Variants in TSPAN16 observed in about 807,000 individuals in gnomAD.
The protein encoded by TSPAN16 is tetraspanin 16, also known as tetraspanin-16.
A neutral mutation model predicts 25.2 loss-of-function variants in TSPAN16; 23 were observed. The ratio of observed to expected loss-of-function variants is 0.91; its 90% CI spans 0.66 to 1.29. TSPAN16 has a LOEUF of 1.29. Ranked by LOEUF, TSPAN16 falls within the 50% of genes most tolerant of loss-of-function variation. The pLI is 0.00. For synonymous variants in TSPAN16, 123 were observed against 124.4 expected (o/e 0.99, Z 0.08); for missense variants, 272 against 299.9 (o/e 0.91, Z 0.69).
chr19:11,315,260 A>G (rs2080734942), intron 6 of TSPAN16, among the ~76,000 whole-genome samples: 2 of 130,598 alleles, frequency 1.5e-5, no homozygotes, highest in South Asian at 4.6e-4. Context: ...TAATAATAAT[A>G]ATAATAATAA....
intron 4 of TSPAN16, among the ~76,000 whole-genome samples, chr19:11,302,620 TAA>T (rs1491104269): frequency 7.0e-6 from 1 of 143,352 alleles, no homozygotes; most frequent in Non-Finnish European, 1.5e-5. Context: ...CATATGTATA[TAA>T]ATATATATAT....
intron 2 of TSPAN16, 107 bp from the exon 3 acceptor site, chr19:11,298,765 C>G (rs1273442985): frequency 9.3e-7 from 1 of 1,070,154 alleles, no homozygotes; most frequent in Non-Finnish European, 1.4e-6. Context: ...CCAGGGTGGC[C>G]TGGGGTGGAG....
At chr19:11,320,705 A>G (rs186684643), downstream of TSPAN16, among the ~76,000 whole-genome samples, 3 of 151,996 alleles carry the variant, frequency 2.0e-5, no homozygotes, top group Non-Finnish European at 4.4e-5. Flanking sequence ...AAAGAAAAAG[A>G]AAAAAGAAAT....
chr19:11,296,435 C>T, intron 1 of TSPAN16, 69 bp downstream of exon 1: 5 of 1,520,434 alleles, frequency 3.3e-6, no homozygotes, highest in Non-Finnish European at 4.6e-6. Flanking sequence ...CCCTGAAAGA[C>T]AGAAATAAGT....
At chr19:11,297,983 A>G (rs999034834) in intron 1 of TSPAN16, among the ~76,000 whole-genome samples, 159 bp from the exon 2 acceptor site, 4 of 150,880 alleles carry the variant, frequency 2.7e-5, no homozygotes, top group East Asian at 3.9e-4. Flanking sequence ...GAGGGTACAG[A>G]TGAGGTCTTA....
At chr19:11,299,152 G>C (rs150858048) in intron 3 of TSPAN16, among the ~76,000 whole-genome samples, 2,925 of 152,040 alleles carry the variant, frequency 0.019, 35 homozygotes, top group Middle Eastern at 0.065. Flanking sequence ...GTGATAGCAC[G>C]CACTTGTAAT....
intron 4 of TSPAN16, among the ~76,000 whole-genome samples, chr19:11,303,094 C>T (rs375296435): frequency 6.7e-6 from 1 of 149,840 alleles, no homozygotes; most frequent in Non-Finnish European, 1.5e-5. Context: ...GGATGACAAT[C>T]GCGGCTTTGT....
intron 2 of TSPAN16, 73 bp from the exon 3 acceptor site, chr19:11,298,799 C>G: frequency 6.9e-7 from 1 of 1,442,004 alleles, no homozygotes. Flanking sequence ...GAGACAACCC[C>G]TCACCTGCAG....
chr19:11,313,352 A>G lies in TSPAN16; in HGVS notation c.687+1130A>G, dbSNP rs138006466. Among the ~76,000 whole-genome samples the G allele has an allele frequency of 3.3e-5, 5 of 152,118 alleles. No individual in the cohort carries two copies. In the East Asian group the frequency reaches 9.7e-4, roughly 29 times the overall value. On this transcript the variant is annotated intron_variant, in intron 6 of 6. Coordinates refer to ENST00000590327, the MANE Select transcript of TSPAN16 (RefSeq NM_001282509.2). ...CATGGTGAAACCCTGTCTCTACTAAAAATAAAAAAATTAGCTGGGCGTAGT... is the reference window on the plus strand; with the variant it reads ...CATGGTGAAACCCTGTCTCTACTAAGAATAAAAAAATTAGCTGGGCGTAGT...
intron 4 of TSPAN16, among the ~76,000 whole-genome samples, chr19:11,304,933 G>A (rs145591788): frequency 8.7e-4 from 132 of 152,012 alleles, no homozygotes; most frequent in African/African-American, 3.1e-3. Flanking sequence ...TTATAGCTGT[G>A]AGCCACTGCG....
downstream of TSPAN16, among the ~76,000 whole-genome samples, chr19:11,318,089 C>T (rs187545556): frequency 4.7e-3 from 721 of 151,960 alleles, 9 homozygotes; most frequent in Admixed American, 0.026. Context: ...TGCAGTGGCG[C>T]GATCTCGGCT....
At chr19:11,301,771 AG>A (rs2080552851) in intron 4 of TSPAN16, among the ~76,000 whole-genome samples, 1 of 152,002 alleles carries the variant, frequency 6.6e-6, no homozygotes, top group African/African-American at 2.4e-5. Context: ...ACTGCACTCT[AG>A]CCTGGGTGAC....
intron 1 of TSPAN16, among the ~76,000 whole-genome samples, chr19:11,297,260 G>A (rs1233808653): frequency 6.6e-6 from 1 of 152,050 alleles, no homozygotes; most frequent in Admixed American, 6.6e-5. Flanking sequence ...CCAGGAGCTC[G>A]AGACCAGCTA....
intron 5 of TSPAN16, among the ~76,000 whole-genome samples, chr19:11,310,546 G>A (rs1360058509): frequency 6.6e-6 from 1 of 150,936 alleles, no homozygotes; most frequent in East Asian, 1.9e-4. Context: ...GCAGGAAGGA[G>A]AGAGGAGGCC....
chr19:11,298,812 T>C (rs1359814913), intron 2 of TSPAN16, 60 bp from the exon 3 acceptor site: 10 of 1,508,992 alleles, frequency 6.6e-6, no homozygotes, highest in Non-Finnish European at 8.3e-6. Context: ...ACCTGCAGGG[T>C]ATAAGGTCGG....
chr19:11,302,678 T>TATATATATAC (rs556398306), intron 4 of TSPAN16, among the ~76,000 whole-genome samples: 3 of 126,560 alleles, frequency 2.4e-5, no homozygotes, highest in African/African-American at 9.5e-5. Flanking sequence ...TATATATATA[T>TATATATATAC]ACACACACAC....
At chr19:11,321,244 GC>G (rs1411786268) in intron 6 of TSPAN16, 1 of 152,102 alleles carries the variant, frequency 6.6e-6, no homozygotes, top group South Asian at 2.1e-4. Flanking sequence ...GGCTGGGGAG[GC>G]CTCAGGAAAT....
At position 11,315,921 on chromosome 19, in the gene TSPAN16, C is replaced by G; in HGVS notation, c.*83C>G. The G allele has an allele frequency of 8.1e-7, 1 of 1,231,158 alleles. No homozygotes were observed. Among genetic ancestry groups the G allele is most frequent in the Admixed American group, 4.2e-5 (1 of 23,668 alleles). The allele number at this position is 1,231,158 out of a possible 1,614,324, so 76.3% of individuals were successfully genotyped here. On this transcript the variant is annotated 3_prime_UTR_variant, in exon 7 of 7. Coordinates refer to ENST00000590327, the MANE Select transcript of TSPAN16 (RefSeq NM_001282509.2). The stretch of plus-strand genomic sequence containing the variant: ...CTCAGTTTTATTTCTCTGTGGCACT[C>G]ACTGCTTCTGGAGGGGAGACTGTTA...
intron 6 of TSPAN16, chr19:11,321,464 T>C (rs1182840458): frequency 6.6e-6 from 1 of 152,228 alleles, no homozygotes; most frequent in African/African-American, 2.4e-5. Context: ...GTGAGGATTA[T>C]GGGGATTACA....
Sources: gnomAD v4.1 joint callset for allele counts (sites outside exome capture counted in the v4.1 genomes callset) on GRCh38, gnomAD v4.1.1 for gene constraint, MANE v1.5 for transcripts, NCBI Gene and HGNC (gene_info 2026-07-23, HGNC 2026-07-21) for gene names.